The following GABRB1 variants were observed in gnomAD, a reference collection of about 807,000 sequenced individuals.
The protein encoded by GABRB1 is gamma-aminobutyric acid receptor subunit beta-1.
GABRB1 carries 17 observed loss-of-function variants against 51.6 expected under a neutral mutation model. The observed-to-expected ratio is 0.33, with a 90% CI of 0.23 to 0.49. The LOEUF (loss-of-function observed/expected upper bound fraction) is 0.49, where lower values mean the gene tolerates loss of function less well. Among genes scored for constraint, GABRB1 ranks in the 20% least tolerant of loss-of-function variants. The pLI, the probability that GABRB1 is intolerant of heterozygous loss-of-function variation, is 0.99. For missense variants in GABRB1, 410 were observed against 600.6 expected (o/e 0.68, Z 3.32); for synonymous variants, 247 against 218.9 (o/e 1.13, Z -1.14).
At chr4:47,311,508 AGTGAGAT>A (rs1157071590) in intron 4 of GABRB1, among the ~76,000 whole-genome samples, 1 of 149,736 alleles carries the variant, frequency 6.7e-6, no homozygotes, top group East Asian at 2.0e-4. Flanking sequence ...AAAGCAGGAG[AGTGAGAT>A]GTGCTTTGAA....
intron 3 of GABRB1, among the ~76,000 whole-genome samples, chr4:47,072,166 G>A (rs538083177): frequency 8.1e-4 from 123 of 152,108 alleles, no homozygotes; most frequent in African/African-American, 2.8e-3. Context: ...GCCCTCTAAA[G>A]TAAACTTTGA....
At chr4:47,074,505 C>T (rs529548505) in intron 3 of GABRB1, among the ~76,000 whole-genome samples, 4 of 152,178 alleles carry the variant, frequency 2.6e-5, no homozygotes, top group African/African-American at 9.6e-5. Context: ...TATAAAATAC[C>T]AATATCACAT....
intron 8 of GABRB1, among the ~76,000 whole-genome samples, chr4:47,416,086 T>G (rs1728906939): frequency 6.6e-6 from 1 of 152,126 alleles, no homozygotes; most frequent in East Asian, 1.9e-4. Flanking sequence ...TTGAGGTAAT[T>G]GACAAATATG....
intron 3 of GABRB1, among the ~76,000 whole-genome samples, chr4:47,056,457 A>C (rs1726609228): frequency 6.6e-6 from 1 of 152,150 alleles, no homozygotes; most frequent in Non-Finnish European, 1.5e-5. Context: ...TCAAGGATTA[A>C]ATGAGATAGG....
intron 8 of GABRB1, among the ~76,000 whole-genome samples, chr4:47,409,561 G>T (rs918599512): frequency 1.3e-4 from 20 of 152,276 alleles, no homozygotes; most frequent in Non-Finnish European, 1.0e-4. Flanking sequence ...TGCTCATGGA[G>T]CCCAGGATTC....
intron 4 of GABRB1, among the ~76,000 whole-genome samples, chr4:47,299,239 G>A (rs564159644): frequency 1.3e-5 from 2 of 152,208 alleles, no homozygotes; most frequent in East Asian, 3.9e-4. Flanking sequence ...ATTGACAAAT[G>A]GGATCTCATT....
chr4:47,062,919 G>A (rs1726901280), intron 3 of GABRB1, among the ~76,000 whole-genome samples: 1 of 152,076 alleles, frequency 6.6e-6, no homozygotes, highest in Admixed American at 6.5e-5. Context: ...TCCCTTCCCT[G>A]AATCATAACA....
intron 3 of GABRB1, among the ~76,000 whole-genome samples, chr4:47,040,463 G>C (rs913812809): frequency 6.6e-6 from 1 of 152,072 alleles, no homozygotes; most frequent in Non-Finnish European, 1.5e-5. Context: ...GGTTAGAGAA[G>C]AAATGAGCCC....
At chr4:47,181,257 T>G (rs919306766) in intron 4 of GABRB1, among the ~76,000 whole-genome samples, 3 of 152,068 alleles carry the variant, frequency 2.0e-5, no homozygotes, top group Non-Finnish European at 2.9e-5. Context: ...TTTCTTCAAC[T>G]TAATGTTTGT....
At chr4:47,200,897 A>T (rs1010061395) in intron 4 of GABRB1, among the ~76,000 whole-genome samples, 3 of 152,156 alleles carry the variant, frequency 2.0e-5, no homozygotes, top group Non-Finnish European at 2.9e-5. Flanking sequence ...TCAAGCAGCC[A>T]TAGTGGTTAA....
chr4:47,158,641 A>G lies in GABRB1; in HGVS notation c.241-2608A>G, dbSNP rs191718268. 2.7e-3 allele frequency among the ~76,000 whole-genome samples: 412 copies of G among 152,222 alleles called. 5 individuals carry two copies. The highest frequency in any genetic ancestry group is 0.024 in the Admixed American group (366 of 15,270). On this transcript the variant is annotated intron_variant, in intron 3 of 8. Transcript: ENST00000295454. ...TGCTGACTGCCATAGCAAAATTTAC[A>G]CTATGACTGTGGTTGATACTTAATT...
At chr4:47,066,724 C>T (rs895861218) in intron 3 of GABRB1, among the ~76,000 whole-genome samples, 9 of 152,298 alleles carry the variant, frequency 5.9e-5, no homozygotes, top group Middle Eastern at 3.4e-3. Context: ...TTCTATACAT[C>T]TGTAGTCAAT....
intron 4 of GABRB1, among the ~76,000 whole-genome samples, chr4:47,174,388 A>G (rs1186997113): frequency 6.6e-6 from 1 of 152,086 alleles, no homozygotes; most frequent in Admixed American, 6.6e-5. Context: ...TTTTAACTCA[A>G]CAATAAATAT....
intron 3 of GABRB1, among the ~76,000 whole-genome samples, chr4:47,090,571 G>A (rs183736782): frequency 3.3e-5 from 5 of 152,268 alleles, no homozygotes; most frequent in South Asian, 2.1e-4. Context: ...TGCCCTCACC[G>A]TGATTATCTT....
At chr4:47,047,928 T>C (rs1352119366) in intron 3 of GABRB1, among the ~76,000 whole-genome samples, 1 of 152,106 alleles carries the variant, frequency 6.6e-6, no homozygotes, top group Admixed American at 6.5e-5. Flanking sequence ...GAGAAGATGC[T>C]GGAAGGAACT....
intron 1 of GABRB1, among the ~76,000 whole-genome samples, chr4:47,005,661 C>T (rs1308516816): frequency 2.0e-5 from 3 of 149,614 alleles, no homozygotes; most frequent in Admixed American, 1.3e-4. Flanking sequence ...CCTGAAGATC[C>T]AAGGACTAAA....
chr4:47,179,474 C>T (rs1166815116), intron 4 of GABRB1, among the ~76,000 whole-genome samples: 1 of 152,000 alleles, frequency 6.6e-6, no homozygotes, highest in South Asian at 2.1e-4. Context: ...TGTGAAGACA[C>T]GTGCACACGT....
At chr4:47,410,289 CT>C (rs1728717933) in intron 8 of GABRB1, among the ~76,000 whole-genome samples, 2 of 152,140 alleles carry the variant, frequency 1.3e-5, no homozygotes, top group South Asian at 4.2e-4. Context: ...GGGCAGAGTA[CT>C]TTGTATCAGA....
At chr4:47,248,452 T>C (rs941058829) in intron 4 of GABRB1, among the ~76,000 whole-genome samples, 2 of 152,036 alleles carry the variant, frequency 1.3e-5, no homozygotes, top group Admixed American at 1.3e-4. Flanking sequence ...AGCATCTATG[T>C]TCATCAAGGA....
Sources: gnomAD v4.1 joint callset for allele counts (sites outside exome capture counted in the v4.1 genomes callset) on GRCh38, gnomAD v4.1.1 for gene constraint, MANE v1.5 for transcripts, NCBI Gene and HGNC (gene_info 2026-07-23, HGNC 2026-07-21) for gene names.